The following FILIP1L variants were observed in gnomAD, a reference collection of about 807,000 sequenced individuals.
The protein encoded by FILIP1L is filamin A-interacting protein 1-like.
In FILIP1L, 55 loss-of-function variants were observed where a neutral mutation model predicts 96.6. The ratio of observed to expected loss-of-function variants is 0.57; its 90% CI spans 0.46 to 0.71. The LOEUF is 0.71. Among genes scored for constraint, FILIP1L ranks in the 30% least tolerant of loss-of-function variants. The probability of loss-of-function intolerance (pLI) is 0.00; values close to 1 mark genes in which losing one functional copy is unlikely to be tolerated. For synonymous variants in FILIP1L, 467 were observed against 473.9 expected (o/e 0.99, Z 0.19); for missense variants, 1,304 against 1,321.2 (o/e 0.99, Z 0.20).
rs766323387 is a variant in FILIP1L at position 99,849,985 on chromosome 3, C to G, written c.1691G>C (p.Arg564Thr). The change falls in exon 5 of 6, where the codon AGA becomes ACA. Residue 564 changes from arginine to threonine, a missense_variant. Arg to Thr is a moderately conservative substitution (Grantham distance 71). Transcript: ENST00000477258. The stretch of plus-strand genomic sequence containing the variant: ...TTTCAATTTGTTTTTTAAATCATCT[C>G]TCTCCTTGGTTACGCTGTACATCTT... ...EEKMYSVTKERDDLKNKLKAE... is the reference protein window; with the variant it reads ...EEKMYSVTKETDDLKNKLKAE... 1 of 1,612,176 alleles carries G rather than the reference C, an allele frequency of 6.2e-7. No individual in the cohort carries two copies. Among genetic ancestry groups the G allele is most frequent in the Non-Finnish European group, 8.5e-7 (1 of 1,179,618 alleles).
At chr3:99,875,124 C>CT (rs1705445546) in intron 4 of FILIP1L, among the ~76,000 whole-genome samples, 1 of 152,116 alleles carries the variant, frequency 6.6e-6, no homozygotes. Context: ...TTTTCATCTC[C>CT]TATTCCAGTG....
At chr3:99,994,603 TG>T (rs1273530408) in intron 1 of FILIP1L, among the ~76,000 whole-genome samples, 2 of 152,258 alleles carry the variant, frequency 1.3e-5, no homozygotes, top group African/African-American at 4.8e-5. Context: ...TACAAATACA[TG>T]GAAATTAAAC....
chr3:99,915,562 C>T (rs1382808892), intron 4 of FILIP1L, among the ~76,000 whole-genome samples: 5 of 152,062 alleles, frequency 3.3e-5, no homozygotes, highest in Non-Finnish European at 7.4e-5. Context: ...CATAATACCA[C>T]CAAACTAACA....
At chr3:99,939,232 C>G (rs1277058707) in intron 1 of FILIP1L, among the ~76,000 whole-genome samples, 2 of 152,196 alleles carry the variant, frequency 1.3e-5, no homozygotes, top group Admixed American at 1.3e-4. Context: ...CCATCATCAC[C>G]TGCTCACTTG....
intron 4 of FILIP1L, among the ~76,000 whole-genome samples, chr3:99,901,907 T>C (rs756953615): frequency 6.6e-6 from 1 of 152,154 alleles, no homozygotes; most frequent in Non-Finnish European, 1.5e-5. Context: ...GAGCTCAGCA[T>C]AATGTTTTTT....
chr3:99,864,531 T>C (rs1559665939), intron 4 of FILIP1L, among the ~76,000 whole-genome samples: 1 of 152,190 alleles, frequency 6.6e-6, no homozygotes, highest in Non-Finnish European at 1.5e-5. Flanking sequence ...CTGTGTTCTT[T>C]CTACCTAACA....
chr3:100,012,374 A>G (rs1710182631), intron 1 of FILIP1L, among the ~76,000 whole-genome samples: 1 of 152,164 alleles, frequency 6.6e-6, no homozygotes, highest in Non-Finnish European at 1.5e-5. Flanking sequence ...TCATCATATC[A>G]TTAAAAGCCC....
At chr3:99,968,424 TG>T (rs148012141) in intron 1 of FILIP1L, among the ~76,000 whole-genome samples, 2,545 of 147,204 alleles carry the variant, frequency 0.017, 55 homozygotes, top group African/African-American at 0.046. Context: ...ACTATGTTTT[TG>T]GGGGAAAAAA....
intron 1 of FILIP1L, among the ~76,000 whole-genome samples, chr3:99,992,083 G>C (rs1443506697): frequency 6.6e-6 from 1 of 150,922 alleles, no homozygotes; most frequent in Admixed American, 6.6e-5. Context: ...TGGACACTTA[G>C]GTTAATTCTG....
intron 4 of FILIP1L, chr3:99,876,114 C>T (rs547301742): frequency 4.1e-6 from 4 of 986,516 alleles, no homozygotes; most frequent in Non-Finnish European, 4.8e-6. Context: ...CGGGCCGGGG[C>T]CGCTGTAGTG....
At position 99,828,879 on chromosome 3, in the gene FILIP1L, G is replaced by T. The variant is rs1318597821; in HGVS notation, c.*1535C>A. Reference sequence around the variant, plus strand: ...CCCTACTGCCCTCTGCCACTTGCCTGCTGGGACTGCTGCCCATCATCCCTC... The same window carrying T: ...CCCTACTGCCCTCTGCCACTTGCCTTCTGGGACTGCTGCCCATCATCCCTC... On this transcript the variant is annotated 3_prime_UTR_variant, in exon 6 of 6. Transcript: ENST00000477258. 1.3e-5 allele frequency among the ~76,000 whole-genome samples: 2 copies of T among 151,314 alleles called. No homozygotes were observed. Among genetic ancestry groups the T allele is most frequent in the Non-Finnish European group, 2.9e-5 (2 of 67,988 alleles).
chr3:99,984,251 ATGTATTTATTATGTAGAG>A (rs779637987), intron 1 of FILIP1L, among the ~76,000 whole-genome samples: 3 of 152,322 alleles, frequency 2.0e-5, no homozygotes, highest in Middle Eastern at 3.4e-3. Context: ...GTAGCCATTC[ATGTATTTATTATGTAGAG>A]TGTCCTGTCA....
At chr3:99,895,377 CT>C (rs35156845) in intron 4 of FILIP1L, among the ~76,000 whole-genome samples, 4,434 of 128,034 alleles carry the variant, frequency 0.035, 155 homozygotes, top group African/African-American at 0.096. Flanking sequence ...GTCAGCAGGA[CT>C]TTTTTTTTTT....
At chr3:100,046,324 G>A (rs1475400302) in intron 1 of FILIP1L, among the ~76,000 whole-genome samples, 1 of 152,102 alleles carries the variant, frequency 6.6e-6, no homozygotes, top group East Asian at 1.9e-4. Flanking sequence ...GTCTTAAAAA[G>A]GGAAATTCAG....
At chr3:99,969,591 G>A (rs966616171) in intron 1 of FILIP1L, among the ~76,000 whole-genome samples, 1 of 152,228 alleles carries the variant, frequency 6.6e-6, no homozygotes, top group African/African-American at 2.4e-5. Flanking sequence ...GTGAGGCCAG[G>A]AAAGAGGTCA....
intron 1 of FILIP1L, among the ~76,000 whole-genome samples, chr3:100,003,804 A>ATGAGATGCTAAAAGTCAAGAGCATAG (rs1709910437): frequency 6.6e-6 from 1 of 152,186 alleles, no homozygotes; most frequent in Admixed American, 6.5e-5. Flanking sequence ...ATTGAGCAAT[A>ATGAGATGCTAAAAGTCAAGAGCATAG]ACCATTAAGT....
chr3:100,072,117 C>T (rs544639834), intron 1 of FILIP1L, among the ~76,000 whole-genome samples: 66 of 152,252 alleles, frequency 4.3e-4, no homozygotes, highest in African/African-American at 1.5e-3. Context: ...CCCACTTGAG[C>T]GTTACATGGA....
chr3:99,973,449 C>A (rs1366016698), intron 1 of FILIP1L, among the ~76,000 whole-genome samples: 1 of 152,114 alleles, frequency 6.6e-6, no homozygotes, highest in Non-Finnish European at 1.5e-5. Flanking sequence ...AAATAGAAAT[C>A]TAAAATATGC....
At chr3:100,097,955 C>G (rs946143688) in intron 1 of FILIP1L, among the ~76,000 whole-genome samples, 2 of 152,128 alleles carry the variant, frequency 1.3e-5, no homozygotes, top group African/African-American at 4.8e-5. Context: ...ATTTCATCAA[C>G]GGTAGCATAT....
Sources: gnomAD v4.1 joint callset for allele counts (sites outside exome capture counted in the v4.1 genomes callset) on GRCh38, gnomAD v4.1.1 for gene constraint, MANE v1.5 for transcripts, NCBI Gene and HGNC (gene_info 2026-07-23, HGNC 2026-07-21) for gene names.